PDE4C: variants seen among roughly 807,000 people sequenced by gnomAD.
PDE4C encodes 3',5'-cyclic-AMP phosphodiesterase 4C.
PDE4C carries 50 observed loss-of-function variants against 63.9 expected under a neutral mutation model. That is an observed-to-expected ratio of 0.78 (90% confidence interval 0.62 to 0.99). The LOEUF (loss-of-function observed/expected upper bound fraction) is 0.99. Among genes scored for constraint, PDE4C ranks in the 50% least tolerant of loss-of-function variants. The pLI, the probability that PDE4C is intolerant of heterozygous loss-of-function variation, is 0.00. For missense variants in PDE4C, 777 were observed against 899.1 expected, an observed-to-expected ratio of 0.86 and a Z score of 1.74; for synonymous variants, 377 against 385.1, an observed-to-expected ratio of 0.98 and a Z score of 0.25.
At chr19:18,248,487 G>A (rs1969174087), upstream of PDE4C, among the ~76,000 whole-genome samples, 1 of 151,946 alleles carries the variant, frequency 6.6e-6, no homozygotes, top group Non-Finnish European at 1.5e-5. Flanking sequence ...GCGTAGGAGT[G>A]AGGAGGCTGG....
intron 13 of PDE4C, 92 bp from the exon 14 acceptor site, chr19:18,212,033 T>C (rs1008614871): frequency 7.8e-7 from 1 of 1,287,804 alleles, no homozygotes. Context: ...CATGGACACA[T>C]TCATCTTACA....
chr19:18,253,615 C>T, the PDE4C span, among the ~76,000 whole-genome samples: 1 of 151,820 alleles, frequency 6.6e-6, no homozygotes, highest in Non-Finnish European at 1.5e-5. Flanking sequence ...TGACACTCAA[C>T]TATAAAGATC....
At chr19:18,250,633 G>A (rs1012678114), upstream of PDE4C, among the ~76,000 whole-genome samples, 3 of 152,134 alleles carry the variant, frequency 2.0e-5, no homozygotes, top group Admixed American at 2.0e-4. Context: ...TAGAGACAGG[G>A]TCTCACTCTG....
exon 15 of PDE4C, chr19:18,210,575 A>C (rs1967877546): frequency 5.4e-6 from 1 of 184,236 alleles, no homozygotes; most frequent in Non-Finnish European, 1.1e-5. Context: ...TAAAGAAGGA[A>C]ATAATTAAGT....
At chr19:18,237,395 TACA>T (rs1437954122), upstream of PDE4C, among the ~76,000 whole-genome samples, 2 of 151,454 alleles carry the variant, frequency 1.3e-5, no homozygotes, top group South Asian at 2.1e-4. Context: ...CTACTAAAAA[TACA>T]ACATTAGCCA....
upstream of PDE4C, among the ~76,000 whole-genome samples, chr19:18,234,779 A>G (rs1292102023): frequency 2.0e-5 from 3 of 152,146 alleles, no homozygotes; most frequent in Non-Finnish European, 4.4e-5. Flanking sequence ...AAAGGAAAAC[A>G]TTTGGGCCAG....
At chr19:18,215,208 C>T (rs1451354748) in intron 12 of PDE4C, among the ~76,000 whole-genome samples, 1 of 152,174 alleles carries the variant, frequency 6.6e-6, no homozygotes, top group East Asian at 1.9e-4. Context: ...GTGGGGTTCC[C>T]TCTGCTGAGA....
intron 1 of PDE4C, chr19:18,224,112 C>G (rs1352988795): frequency 5.2e-6 from 4 of 773,526 alleles, no homozygotes; most frequent in Non-Finnish European, 6.3e-6. Context: ...CCTCCTCCCT[C>G]TCCACACTAC....
At chr19:18,223,356 G>A (rs531557073) in intron 1 of PDE4C, among the ~76,000 whole-genome samples, 5 of 152,242 alleles carry the variant, frequency 3.3e-5, no homozygotes, top group African/African-American at 9.6e-5. Flanking sequence ...GATTACAGGC[G>A]TGTGCCACCA....
chr19:18,233,681 G>A (rs1968899269), upstream of PDE4C: 2 of 358,998 alleles, frequency 5.6e-6, no homozygotes, highest in African/African-American at 2.1e-5. Flanking sequence ...TGGGTTCTCC[G>A]GGTGGATGAG....
upstream of PDE4C, among the ~76,000 whole-genome samples, chr19:18,238,358 C>A (rs889343394): frequency 6.6e-6 from 1 of 151,698 alleles, no homozygotes; most frequent in African/African-American, 2.4e-5. Context: ...GCCTCAGCCT[C>A]CTGAGTAGCT....
upstream of PDE4C, chr19:18,250,506 C>T (rs944997193): frequency 5.0e-5 from 20 of 398,556 alleles, no homozygotes; most frequent in Non-Finnish European, 8.0e-5. Flanking sequence ...GCACTGGGTC[C>T]TATTCCCCAC....
intron 13 of PDE4C, among the ~76,000 whole-genome samples, chr19:18,212,994 T>G (rs1968027106): frequency 6.8e-6 from 1 of 147,998 alleles, no homozygotes; most frequent in African/African-American, 2.5e-5. Context: ...CTGCTAAAGT[T>G]GTTTTTAAAG....
intron 1 of PDE4C, chr19:18,224,316 C>A (rs947434799): frequency 1.0e-6 from 1 of 985,480 alleles, no homozygotes; most frequent in Non-Finnish European, 1.2e-6. Flanking sequence ...TCGGAGCTCC[C>A]GGCCGAGGGC....
intron 1 of PDE4C, among the ~76,000 whole-genome samples, chr19:18,246,231 T>A (rs376154366): frequency 2.7e-5 from 4 of 148,774 alleles, no homozygotes; most frequent in Non-Finnish European, 5.9e-5. Flanking sequence ...TCACCCAGCC[T>A]GGAGTGCAGT....
chr19:18,246,182 AT>A (rs35056580), intron 1 of PDE4C, among the ~76,000 whole-genome samples: 10,960 of 112,622 alleles, frequency 0.097, 577 homozygotes, highest in East Asian at 0.35. Flanking sequence ...CACCAGGCTA[AT>A]TTTTTTTTTT....
intron 1 of PDE4C, among the ~76,000 whole-genome samples, chr19:18,239,749 G>A (rs1969007830): frequency 6.6e-6 from 1 of 152,176 alleles, no homozygotes; most frequent in African/African-American, 2.4e-5. Context: ...AAACTGGCCA[G>A]GCGCGGTGGC....
chr19:18,241,240 C>G (rs1315225916), intron 1 of PDE4C, among the ~76,000 whole-genome samples: 1 of 129,582 alleles, frequency 7.7e-6, no homozygotes, highest in Non-Finnish European at 1.7e-5. Flanking sequence ...TTCTTTCTTT[C>G]TTTTTTCTTC....
At chr19:18,235,622 C>T (rs1383715089), upstream of PDE4C, among the ~76,000 whole-genome samples, 1 of 152,178 alleles carries the variant, frequency 6.6e-6, no homozygotes, top group Non-Finnish European at 1.5e-5. Context: ...ACTCCTATCC[C>T]TGACAGTCAG....
Sources: gnomAD v4.1 joint callset for allele counts (sites outside exome capture counted in the v4.1 genomes callset) on GRCh38, gnomAD v4.1.1 for gene constraint, MANE v1.5 for transcripts, NCBI Gene and HGNC (gene_info 2026-07-23, HGNC 2026-07-21) for gene names.